The following RTKN2 variants were observed in gnomAD, a reference collection of about 807,000 sequenced individuals.
The protein encoded by RTKN2 is rhotekin-2.
Under a neutral mutation model 71.5 loss-of-function variants are expected in RTKN2, and 69 were observed. The observed-to-expected ratio is 0.96, with a 90% CI of 0.79 to 1.18. The LOEUF (loss-of-function observed/expected upper bound fraction) is 1.18, where lower values mean the gene tolerates loss of function less well. Among genes scored for constraint, RTKN2 ranks in the 50% most tolerant of loss-of-function variants. RTKN2 has a pLI of 0.00. For synonymous variants in RTKN2, 236 were observed against 236.5 expected, an observed-to-expected ratio of 1.00 and a Z score of 0.02; for missense variants, 724 against 719.7, an observed-to-expected ratio of 1.01 and a Z score of -0.07.
chr10:62,222,126 T>G (rs942351003), intron 7 of RTKN2, among the ~76,000 whole-genome samples: 6 of 152,180 alleles, frequency 3.9e-5, no homozygotes, highest in African/African-American at 1.4e-4. Flanking sequence ...TTCTATTTCT[T>G]GAGACAGGGT....
At chr10:62,208,966 C>A (rs550833334) in intron 9 of RTKN2, among the ~76,000 whole-genome samples, 3 of 152,066 alleles carry the variant, frequency 2.0e-5, no homozygotes, top group Non-Finnish European at 1.5e-5. Context: ...GAATATGATC[C>A]AAAAATATAA....
chr10:62,224,155 TAG>T (rs1487506045), intron 6 of RTKN2, among the ~76,000 whole-genome samples: 2 of 152,018 alleles, frequency 1.3e-5, no homozygotes, highest in Non-Finnish European at 2.9e-5. Context: ...GTGAAATTCA[TAG>T]AGATGGAATC....
chr10:62,238,091 C>A (rs1842294237), intron 5 of RTKN2: 2 of 151,854 alleles, frequency 1.3e-5, no homozygotes, highest in East Asian at 3.9e-4. Context: ...AAAAATGGAG[C>A]ACAGACTTTT....
chr10:62,238,130 G>GA (rs558008358), intron 5 of RTKN2: 191 of 151,906 alleles, frequency 1.3e-3, no homozygotes, highest in African/African-American at 4.2e-3. Context: ...TCTATAGTTT[G>GA]AAAAAATCCC....
At chr10:62,225,683 CT>C (rs1351680140) in intron 6 of RTKN2, among the ~76,000 whole-genome samples, 1 of 152,076 alleles carries the variant, frequency 6.6e-6, no homozygotes, top group Non-Finnish European at 1.5e-5. Flanking sequence ...AAATAGCACT[CT>C]TACCAAAATA....
chr10:62,205,163 A>AT (rs1841524984), intron 9 of RTKN2, 141 bp from the exon 10 acceptor site: 2 of 650,126 alleles, frequency 3.1e-6, no homozygotes, highest in African/African-American at 3.9e-5. Context: ...TAAAACATGT[A>AT]ATTTTGAGAA....
chr10:62,216,473 C>T (rs550560108), intron 9 of RTKN2, among the ~76,000 whole-genome samples: 3 of 152,016 alleles, frequency 2.0e-5, no homozygotes, highest in South Asian at 2.1e-4. Flanking sequence ...AATTTAAGAC[C>T]GTGAGGTAGA....
intron 8 of RTKN2, among the ~76,000 whole-genome samples, chr10:62,186,957 A>G (rs1841146575): frequency 6.6e-6 from 1 of 152,190 alleles, no homozygotes; most frequent in Non-Finnish European, 1.5e-5. Context: ...AATTAAACAT[A>G]CTATTTTCAC....
chr10:62,194,587 T>C lies in RTKN2; in HGVS notation c.*3321A>G, dbSNP rs941274017. 8 of 985,442 alleles carry C rather than the reference T, an allele frequency of 8.1e-6. No homozygotes were observed. The highest frequency in any genetic ancestry group is 9.6e-6 in the Non-Finnish European group (8 of 829,910). The allele number at this position is 985,442 out of a possible 1,614,324, so 61.0% of individuals were successfully genotyped here. A position where few individuals can be genotyped will look rare whatever the true frequency, so the allele number is the denominator to read the frequency against. ...ATGGTGCAATGCAGTACTCTGTCCA[T>C]GTAGTATAGTTGTGCCTCATTCGTG... On this transcript the variant is annotated 3_prime_UTR_variant, in exon 12 of 12. Coordinates refer to ENST00000373789, the MANE Select transcript of RTKN2 (RefSeq NM_145307.4).
chr10:62,256,028 T>G (rs1842668042), intron 2 of RTKN2, among the ~76,000 whole-genome samples: 1 of 151,806 alleles, frequency 6.6e-6, no homozygotes, highest in Admixed American at 6.6e-5. Context: ...GACTCTTTTT[T>G]TTTTTTTTGA....
intron 8 of RTKN2, among the ~76,000 whole-genome samples, chr10:62,187,210 T>G (rs1841149861): frequency 6.6e-6 from 1 of 151,726 alleles, no homozygotes; most frequent in Non-Finnish European, 1.5e-5. Context: ...AGTGACTGAT[T>G]CAGAGATGAC....
intron 8 of RTKN2, 106 bp downstream of exon 8, chr10:62,218,089 A>G (rs1284341558): frequency 2.8e-6 from 2 of 710,146 alleles, no homozygotes; most frequent in Non-Finnish European, 4.7e-6. Context: ...ACATTTAAAA[A>G]AAGACTTAAA....
At chr10:62,256,492 G>T (rs1448572881) in intron 2 of RTKN2, among the ~76,000 whole-genome samples, 2 of 151,948 alleles carry the variant, frequency 1.3e-5, no homozygotes, top group African/African-American at 4.8e-5. Context: ...GAATATGGAC[G>T]GGATATTAGA....
At chr10:62,247,054 A>T (rs981282473) in intron 2 of RTKN2, among the ~76,000 whole-genome samples, 4 of 151,818 alleles carry the variant, frequency 2.6e-5, no homozygotes, top group Admixed American at 1.3e-4. Context: ...AGCTAATTTA[A>T]TTTGTTACTT....
Position 62,204,981 on chromosome 10 carries a change from T to G in RTKN2, c.1062A>C (p.Arg354Ser), listed in dbSNP as rs1841518750. 1.3e-6 allele frequency: 2 copies of G among 1,599,864 alleles called. No homozygotes were observed. The highest frequency in any genetic ancestry group is 2.7e-5 in the African/African-American group (2 of 74,034). ...IRAMDKDAKKRIHNFSVINPV... is the reference protein window; with the variant it reads ...IRAMDKDAKKSIHNFSVINPV... ...GATTGATGACAGAGAAATTATGGATTCTTTTCTTGGCATCCTTATCCATTG... is the reference window on the plus strand; with the variant it reads ...GATTGATGACAGAGAAATTATGGATGCTTTTCTTGGCATCCTTATCCATTG... Residue 354 changes from arginine to serine, a missense_variant, in exon 10 of 12, where the codon AGA (arginine) becomes AGC (serine). Transcript: ENST00000373789.
Position 62,222,220 on chromosome 10 carries a change from T to C in RTKN2, c.781+1018A>G, listed in dbSNP as rs185866790. ...AACTTCTGGGGTCAGGCGATCCTCC[T>C]ACCTCAGTATCCTGAGTAGCTGGGA... is the stretch of plus-strand genomic sequence containing the variant. On this transcript the variant is annotated intron_variant, in intron 7 of 11. Coordinates refer to ENST00000373789, the MANE Select transcript of RTKN2 (RefSeq NM_145307.4). Among the ~76,000 whole-genome samples the C allele has an allele frequency of 5.4e-4, 82 of 152,140 alleles. No individual in the cohort carries two copies. In the East Asian group the frequency reaches 0.011, roughly 20 times the overall value.
intron 8 of RTKN2, among the ~76,000 whole-genome samples, chr10:62,184,648 T>C (rs187046714): frequency 2.4e-4 from 36 of 152,346 alleles, no homozygotes; most frequent in Non-Finnish European, 4.3e-4. Flanking sequence ...GTTGGGAGCA[T>C]GGCTTCCGCC....
intron 3 of RTKN2, among the ~76,000 whole-genome samples, chr10:62,241,733 C>G (rs1842379149): frequency 6.6e-6 from 1 of 152,164 alleles, no homozygotes; most frequent in South Asian, 2.1e-4. Flanking sequence ...TGTGTGCCAT[C>G]TGTTGCCCAG....
At chr10:62,204,082 T>C (rs1841501104) in intron 10 of RTKN2, among the ~76,000 whole-genome samples, 1 of 152,206 alleles carries the variant, frequency 6.6e-6, no homozygotes, top group Non-Finnish European at 1.5e-5. Context: ...ATGTCTCAAC[T>C]TTCTATGGAA....
Sources: gnomAD v4.1 joint callset for allele counts (sites outside exome capture counted in the v4.1 genomes callset) on GRCh38, gnomAD v4.1.1 for gene constraint, MANE v1.5 for transcripts, NCBI Gene and HGNC (gene_info 2026-07-23, HGNC 2026-07-21) for gene names.